NTRK3: variants seen among roughly 807,000 people sequenced by gnomAD.
The protein encoded by NTRK3 is NT-3 growth factor receptor.
A neutral mutation model predicts 91.7 loss-of-function variants in NTRK3; 24 were observed. That is an observed-to-expected ratio of 0.26 (90% CI 0.19 to 0.37). NTRK3 has a LOEUF of 0.37. Among genes scored for constraint, NTRK3 ranks in the 10% least tolerant of loss-of-function variants. The pLI is 1.00. For synonymous variants in NTRK3, 483 were observed against 404.0 expected (o/e 1.20, Z -2.34); for missense variants, 880 against 1,068.9 (o/e 0.82, Z 2.46).
chr15:87,988,319 T>TA (rs1461401160), intron 14 of NTRK3, among the ~76,000 whole-genome samples: 1 of 152,192 alleles, frequency 6.6e-6, no homozygotes, highest in Admixed American at 6.5e-5. Flanking sequence ...CATAGAAGGC[T>TA]AAGAAGACAT....
At chr15:88,228,460 A>G (rs2050873220) in intron 3 of NTRK3, among the ~76,000 whole-genome samples, 1 of 151,992 alleles carries the variant, frequency 6.6e-6, no homozygotes, top group African/African-American at 2.4e-5. Flanking sequence ...TGTAGTGCAT[A>G]AAGGATCTGT....
At chr15:87,924,025 G>C (rs1260363394) in intron 17 of NTRK3, among the ~76,000 whole-genome samples, 1 of 152,092 alleles carries the variant, frequency 6.6e-6, no homozygotes, top group East Asian at 1.9e-4. Context: ...GTGGTATTCT[G>C]TTGTAGCAAC....
chr15:88,035,079 A>T (rs2078951879), intron 13 of NTRK3, among the ~76,000 whole-genome samples: 1 of 152,240 alleles, frequency 6.6e-6, no homozygotes, highest in Non-Finnish European at 1.5e-5. Flanking sequence ...AAAATAAGAT[A>T]GTTCAATAAT....
chr15:87,998,767 C>A (rs1350750403), intron 14 of NTRK3, among the ~76,000 whole-genome samples: 1 of 152,176 alleles, frequency 6.6e-6, no homozygotes, highest in African/African-American at 2.4e-5. Flanking sequence ...GCACTGCAAT[C>A]ATGCTAATTA....
At chr15:88,145,406 C>T (rs2042796139) in intron 6 of NTRK3, among the ~76,000 whole-genome samples, 1 of 152,068 alleles carries the variant, frequency 6.6e-6, no homozygotes, top group African/African-American at 2.4e-5. Flanking sequence ...AAATAAAACA[C>T]ACCATGGACA....
intron 17 of NTRK3, among the ~76,000 whole-genome samples, chr15:87,897,284 G>T (rs1171206568): frequency 6.6e-6 from 1 of 152,020 alleles, no homozygotes; most frequent in Non-Finnish European, 1.5e-5. Context: ...AACTTATTTT[G>T]TTTTCCTCTT....
chr15:87,870,092 CAT>C, exon 19 of NTRK3: 2 of 187,272 alleles, frequency 1.1e-5, no homozygotes, highest in Non-Finnish European at 2.3e-5. Context: ...TACTTGCACA[CAT>C]ATGTTTATAG....
At chr15:88,079,039 CACAGGTGA>C (rs1276053843) in intron 13 of NTRK3, among the ~76,000 whole-genome samples, 1 of 152,126 alleles carries the variant, frequency 6.6e-6, no homozygotes, top group Non-Finnish European at 1.5e-5. Flanking sequence ...GTGCAGGGAG[CACAGGTGA>C]ACAGGTGAAC....
intron 14 of NTRK3, among the ~76,000 whole-genome samples, chr15:87,945,718 C>T (rs752102214): frequency 8.2e-5 from 12 of 146,458 alleles, no homozygotes; most frequent in Non-Finnish European, 1.6e-4. Context: ...AGGTGGCAGG[C>T]ATAAACTGCT....
chr15:88,135,766 A>T, intron 9 of NTRK3, 133 bp downstream of exon 9: 1 of 1,223,064 alleles, frequency 8.2e-7, no homozygotes, highest in Non-Finnish European at 1.2e-6. Context: ...CTGCCCTACA[A>T]GAGTCCTTCT....
At chr15:88,086,858 TC>T (rs1484927891) in intron 13 of NTRK3, among the ~76,000 whole-genome samples, 3 of 152,200 alleles carry the variant, frequency 2.0e-5, no homozygotes, top group Non-Finnish European at 4.4e-5. Flanking sequence ...TATGCAGCTC[TC>T]CACCCTCCAT....
At chr15:87,859,915 C>A (rs894111085) in exon 19 of NTRK3, 10 of 185,160 alleles carry the variant, frequency 5.4e-5, no homozygotes, top group African/African-American at 2.3e-4. Flanking sequence ...ATTTACAACT[C>A]TCACTTATGA....
intron 13 of NTRK3, among the ~76,000 whole-genome samples, chr15:88,070,609 C>A (rs1002437874): frequency 6.6e-6 from 1 of 152,066 alleles, no homozygotes; most frequent in Admixed American, 6.6e-5. Flanking sequence ...AGATCCACTC[C>A]CCTCCTTCCT....
At chr15:88,047,108 A>G (rs541318376) in intron 13 of NTRK3, among the ~76,000 whole-genome samples, 1 of 152,170 alleles carries the variant, frequency 6.6e-6, no homozygotes, top group Non-Finnish European at 1.5e-5. Context: ...GGTTCCACGC[A>G]TGCCCACCAG....
At chr15:88,003,826 A>AC (rs1555462263) in intron 14 of NTRK3, among the ~76,000 whole-genome samples, 1 of 136,400 alleles carries the variant, frequency 7.3e-6, no homozygotes, top group Admixed American at 7.4e-5. Flanking sequence ...ATATATTTGG[A>AC]TTTTTTTTTT....
chr15:88,233,197 A>T lies in NTRK3; in HGVS notation c.248+22709T>A, dbSNP rs2051363818. On this transcript the variant is annotated intron_variant, in intron 3 of 18. Transcript: ENST00000394480. This position sits in a 1 kb window ranked among gnomAD's most constrained non-coding sequence, Gnocchi z 4.2. The stretch of plus-strand genomic sequence containing the variant: ...AAAGCCTGAATAAGCAAAAAGAAAA[A>T]ATTAAAACCGTAGAGCACATTGCCA... Among the ~76,000 whole-genome samples, 1 of 152,106 alleles carries T rather than the reference A, an allele frequency of 6.6e-6. No individual in the cohort carries two copies. Among genetic ancestry groups the T allele is most frequent in the Non-Finnish European group, 1.5e-5 (1 of 68,024 alleles).
intron 14 of NTRK3, among the ~76,000 whole-genome samples, chr15:87,999,408 T>G (rs1303988041): frequency 6.6e-6 from 1 of 152,354 alleles, no homozygotes; most frequent in South Asian, 2.1e-4. Context: ...TTTTCTTACA[T>G]GTATCCCCCA....
chr15:88,195,576 G>C (rs1196498783), intron 3 of NTRK3, among the ~76,000 whole-genome samples: 1 of 152,230 alleles, frequency 6.6e-6, no homozygotes, highest in East Asian at 1.9e-4. Flanking sequence ...GGTCAGAGGG[G>C]TGGAACCCTT....
At chr15:88,146,444 G>A (rs546379071) in intron 6 of NTRK3, among the ~76,000 whole-genome samples, 8 of 152,188 alleles carry the variant, frequency 5.3e-5, no homozygotes, top group Middle Eastern at 3.2e-3. Context: ...CATGAGCGGT[G>A]TCTCTGGAAC....
Sources: allele counts gnomAD v4.1 joint callset (sites outside exome capture counted in the v4.1 genomes callset), GRCh38; gene constraint gnomAD v4.1.1; non-coding constraint Gnocchi (gnomAD v3.1); transcripts MANE v1.5; gene names NCBI Gene and HGNC (gene_info 2026-07-23, HGNC 2026-07-21).